NFIB: variants seen among roughly 807,000 people sequenced by gnomAD.
NFIB encodes the protein nuclear factor 1 B-type.
In NFIB, 11 loss-of-function variants were observed where a neutral mutation model predicts 61.5. The observed-to-expected ratio is 0.18, with a 90% CI of 0.11 to 0.30. The LOEUF is 0.30. NFIB is among the 10% of genes least tolerant of loss of function. NFIB has a pLI of 1.00. For synonymous variants in NFIB, 260 were observed against 216.5 expected (o/e 1.20, Z -1.76); for missense variants, 471 against 608.9 (o/e 0.77, Z 2.38).
the NFIB span, among the ~76,000 whole-genome samples, chr9:14,451,727 T>C: frequency 5.9e-3 from 902 of 152,306 alleles, 11 homozygotes; most frequent in African/African-American, 0.021. Context: ...CCATTTAACA[T>C]AGAATATGAA....
In NFIB at chr9:14,198,844, T is replaced by C. The variant is rs186857570; in HGVS notation, c.563-19064A>G. Among the ~76,000 whole-genome samples the C allele has an allele frequency of 1.3e-3, 205 of 152,218 alleles. No individual in the cohort carries two copies. In the Middle Eastern group the frequency reaches 0.017, roughly 13 times the overall value. ...TCCTGAAAACACAAACAAACAAAAA[T>C]GCAGTCCTTAAGCCAAAACCAATCT... On this transcript the variant is annotated intron_variant, in intron 2 of 10. Transcript: ENST00000380953.
intron 2 of NFIB, among the ~76,000 whole-genome samples, chr9:14,236,227 A>T (rs2053730653): frequency 6.6e-6 from 1 of 152,150 alleles, no homozygotes; most frequent in African/African-American, 2.4e-5. Context: ...TATAATGTTG[A>T]TTATGGCTAC....
intron 10 of NFIB, chr9:14,096,507 G>A (rs1294165734): frequency 6.6e-6 from 1 of 152,084 alleles, no homozygotes; most frequent in Non-Finnish European, 1.5e-5. Context: ...TCTCATTTTG[G>A]TCACACTGCA....
chr9:14,319,957 T>A (rs910276801), intron 1 of NFIB, among the ~76,000 whole-genome samples: 1 of 152,222 alleles, frequency 6.6e-6, no homozygotes, highest in African/African-American at 2.4e-5. Flanking sequence ...GTAAACTTTA[T>A]CTCTGAGTGT....
At chr9:14,455,353 A>T in the NFIB span, among the ~76,000 whole-genome samples, 1 of 152,244 alleles carries the variant, frequency 6.6e-6, no homozygotes, top group South Asian at 2.1e-4. Flanking sequence ...ATTATTTACT[A>T]TTAACTAGTG....
chr9:14,323,587 G>A (rs1319985048), intron 1 of NFIB, among the ~76,000 whole-genome samples: 2 of 152,120 alleles, frequency 1.3e-5, no homozygotes, highest in Admixed American at 1.3e-4. Context: ...CACAACAGAC[G>A]ACGATAGCTT....
chr9:14,229,247 T>C (rs1329275643), intron 2 of NFIB, among the ~76,000 whole-genome samples: 1 of 152,170 alleles, frequency 6.6e-6, no homozygotes, highest in Non-Finnish European at 1.5e-5. Flanking sequence ...CAATAACATA[T>C]TAGGTGATCA....
intron 1 of NFIB, chr9:14,361,754 T>C (rs2061243712): frequency 6.6e-6 from 1 of 152,232 alleles, no homozygotes; most frequent in African/African-American, 2.4e-5. Context: ...TTCCCATTTT[T>C]TTCTTAGCCC....
At chr9:14,278,859 T>C (rs2058180865) in intron 2 of NFIB, among the ~76,000 whole-genome samples, 1 of 152,136 alleles carries the variant, frequency 6.6e-6, no homozygotes, top group Non-Finnish European at 1.5e-5. Context: ...ACTTATAAAC[T>C]ACAGGCATAC....
chr9:14,315,407 T>TCTC (rs936919666), upstream of NFIB, among the ~76,000 whole-genome samples: 14 of 146,688 alleles, frequency 9.5e-5, no homozygotes, highest in Admixed American at 4.7e-4. Context: ...CCGGCTTCGC[T>TCTC]CTCCTCCTCC....
At chr9:14,198,299 A>G (rs2048668612) in intron 2 of NFIB, among the ~76,000 whole-genome samples, 1 of 152,144 alleles carries the variant, frequency 6.6e-6, no homozygotes, top group South Asian at 2.1e-4. Flanking sequence ...GATGTTCACT[A>G]TGGCATTCTA....
At chr9:14,289,141 C>CAT (rs1331012590) in intron 2 of NFIB, among the ~76,000 whole-genome samples, 21 of 136,794 alleles carry the variant, frequency 1.5e-4, no homozygotes, top group East Asian at 8.3e-4. Flanking sequence ...TATATATATA[C>CAT]ATATATATAT....
chr9:14,165,869 C>G (rs573843056), intron 3 of NFIB, among the ~76,000 whole-genome samples: 1 of 152,152 alleles, frequency 6.6e-6, no homozygotes, highest in African/African-American at 2.4e-5. Context: ...GAATGGAGAG[C>G]TGTTATTTAA....
At chr9:14,377,669 G>A (rs2061435506) in intron 1 of NFIB, among the ~76,000 whole-genome samples, 1 of 152,124 alleles carries the variant, frequency 6.6e-6, no homozygotes, top group Non-Finnish European at 1.5e-5. Context: ...TAGCAGCCTA[G>A]GGCTTATAAA....
the NFIB span, among the ~76,000 whole-genome samples, chr9:14,421,721 G>T: frequency 6.6e-6 from 1 of 152,172 alleles, no homozygotes; most frequent in African/African-American, 2.4e-5. Flanking sequence ...GTGCTAATTT[G>T]CATAACAGCA....
At chr9:14,404,802 A>T in the NFIB span, among the ~76,000 whole-genome samples, 1 of 152,160 alleles carries the variant, frequency 6.6e-6, no homozygotes, top group Non-Finnish European at 1.5e-5. Context: ...ATTGTCTTCT[A>T]AGGGGCAGCA....
At chr9:14,378,401 G>A (rs1233232094) in intron 1 of NFIB, among the ~76,000 whole-genome samples, 1 of 152,004 alleles carries the variant, frequency 6.6e-6, no homozygotes, top group Admixed American at 6.6e-5. Flanking sequence ...TCTGTCACCA[G>A]GCTGGAGTGC....
chr9:14,286,655 G>A (rs1188114070), intron 2 of NFIB, among the ~76,000 whole-genome samples: 1 of 152,146 alleles, frequency 6.6e-6, no homozygotes, highest in Non-Finnish European at 1.5e-5. Context: ...CAAAAATTGG[G>A]TAATTCTTCT....
chr9:14,120,731 T>C lies in NFIB; in HGVS notation c.1061-107A>G. ...ACTACAAAACTGGTAACCATTCATT[T>C]TTGTCCCCATGATTTAACCAAGCTC... On this transcript the variant is annotated intron_variant, in intron 7 of 10. Coordinates refer to ENST00000380953, the MANE Select transcript of NFIB (RefSeq NM_001190737.2). The surrounding 1 kb of genome is among the most constrained non-coding windows in gnomAD (Gnocchi z 4.4). 8 of 1,171,184 alleles carry C rather than the reference T, an allele frequency of 6.8e-6. No homozygotes were observed. The highest frequency in any genetic ancestry group is 8.2e-6 in the Non-Finnish European group (7 of 849,900). 72.5% of individuals were successfully genotyped at this position (1,171,184 alleles called of 1,614,324 possible). A position where few individuals can be genotyped will look rare whatever the true frequency, so the allele number is the denominator to read the frequency against.
Sources: allele counts gnomAD v4.1 joint callset (sites outside exome capture counted in the v4.1 genomes callset), GRCh38; gene constraint gnomAD v4.1.1; non-coding constraint Gnocchi (gnomAD v3.1); transcripts MANE v1.5; gene names NCBI Gene and HGNC (gene_info 2026-07-23, HGNC 2026-07-21).